The following NCMAP variants were observed in gnomAD, a reference collection of about 807,000 sequenced individuals.
NCMAP encodes the protein non-compact myelin associated protein, also known as noncompact myelin-associated protein.
NCMAP carries 8 observed loss-of-function variants against 7.8 expected under a neutral mutation model. The ratio of observed to expected loss-of-function variants is 1.02; its 90% CI spans 0.60 to 1.84. The LOEUF (loss-of-function observed/expected upper bound fraction) is 1.84. Ranked by LOEUF, NCMAP falls within the 40% of genes most tolerant of loss-of-function variation. The probability of loss-of-function intolerance (pLI) is 0.00; values close to 1 mark genes in which losing one functional copy is unlikely to be tolerated. For missense variants in NCMAP, 112 were observed against 131.4 expected, an observed-to-expected ratio of 0.85 and a Z score of 0.72; for synonymous variants, 41 against 52.9, an observed-to-expected ratio of 0.78 and a Z score of 0.98.
At chr1:24,583,560 C>CA (rs1354258235) in intron 1 of NCMAP, among the ~76,000 whole-genome samples, 2 of 151,992 alleles carry the variant, frequency 1.3e-5, no homozygotes, top group African/African-American at 4.8e-5. Context: ...ACTAAAAATA[C>CA]AAAAAATTAG....
At chr1:24,593,839 C>T (rs1229467682) in intron 1 of NCMAP, among the ~76,000 whole-genome samples, 2 of 150,768 alleles carry the variant, frequency 1.3e-5, no homozygotes, top group African/African-American at 4.9e-5. Flanking sequence ...ATATTCTTGA[C>T]CCCTATAGTT....
At chr1:24,573,703 C>T (rs961611358) in intron 1 of NCMAP, among the ~76,000 whole-genome samples, 2 of 150,368 alleles carry the variant, frequency 1.3e-5, no homozygotes, top group African/African-American at 2.5e-5. Flanking sequence ...TTTGGAAGGC[C>T]GAAGCAGGAG....
At chr1:24,575,387 C>T (rs961985161) in intron 1 of NCMAP, among the ~76,000 whole-genome samples, 5 of 152,124 alleles carry the variant, frequency 3.3e-5, no homozygotes, top group Non-Finnish European at 5.9e-5. Context: ...CCGACTGAGT[C>T]TTCATTCGTT....
At chr1:24,578,556 C>CTTTCT (rs1484287703) in intron 1 of NCMAP, among the ~76,000 whole-genome samples, 35 of 126,892 alleles carry the variant, frequency 2.8e-4, no homozygotes, top group African/African-American at 1.1e-3. Context: ...CTTTTTCTTT[C>CTTTCT]TTTCTTTTTT....
chr1:24,589,837 T>C (rs572678660), intron 1 of NCMAP, among the ~76,000 whole-genome samples: 166 of 152,308 alleles, frequency 1.1e-3, no homozygotes, highest in African/African-American at 3.8e-3. Context: ...TTTATTTTTA[T>C]TTTGAGACAG....
At position 24,556,115 on chromosome 1, in the gene NCMAP, C is replaced by A; in HGVS notation, c.-62C>A. 1 of 153,126 alleles carries A rather than the reference C, an allele frequency of 6.5e-6. No individual in the cohort carries two copies. Among genetic ancestry groups the A allele is most frequent in the South Asian group, 1.9e-4 (1 of 5,396 alleles). 9.5% of individuals were successfully genotyped at this position (153,126 alleles called of 1,614,324 possible). The stretch of plus-strand genomic sequence containing the variant: ...GCAGCGCCGGGCGGCGGCGGGGACC[C>A]TGGCTGGGAGCGCGGCGGTGCCGGC... On this transcript the variant is annotated 5_prime_UTR_variant, in exon 1 of 4. In the 5' UTR this introduces an upstream ATG that the reference lacks. Coordinates refer to ENST00000374392, the MANE Select transcript of NCMAP (RefSeq NM_001010980.5).
At chr1:24,573,003 G>C (rs553366773) in intron 1 of NCMAP, among the ~76,000 whole-genome samples, 9 of 150,584 alleles carry the variant, frequency 6.0e-5, no homozygotes, top group Non-Finnish European at 1.3e-4. Flanking sequence ...CATGCCCAGT[G>C]GTGGGCATGG....
chr1:24,591,246 T>C lies in NCMAP; in HGVS notation c.-7-4178T>C, dbSNP rs1398630121. On this transcript the variant is annotated intron_variant, in intron 1 of 3. Coordinates refer to ENST00000374392, the MANE Select transcript of NCMAP (RefSeq NM_001010980.5). ...ATTTCAGTATGAGTAGGAGTCTTCC[T>C]TGGGGGGCGACTGGGGACTGGGCTG... Among the ~76,000 whole-genome samples, 4 of 152,190 alleles carry C rather than the reference T, an allele frequency of 2.6e-5. No homozygotes were observed. In the East Asian group the frequency reaches 7.8e-4, roughly 30 times the overall value.
At position 24,574,092 on chromosome 1, in the gene NCMAP, C is replaced by T. The variant is rs138966785; in HGVS notation, c.-8+17923C>T. ...GACTCCAGGACCCACACAGCGGCCC[C>T]CAGGTGCTTAAGCCTTCAGTCTGGG... is the stretch of plus-strand genomic sequence containing the variant. On this transcript the variant is annotated intron_variant, in intron 1 of 3. Coordinates refer to ENST00000374392, the MANE Select transcript of NCMAP (RefSeq NM_001010980.5). 7.8e-3 allele frequency among the ~76,000 whole-genome samples: 1,170 copies of T among 149,812 alleles called. 94 individuals are homozygous for T. The highest frequency in any genetic ancestry group is 0.026 in the African/African-American group (1,044 of 39,410).
intron 1 of NCMAP, among the ~76,000 whole-genome samples, chr1:24,571,468 C>A (rs1005896638): frequency 6.7e-6 from 1 of 149,828 alleles, no homozygotes; most frequent in Non-Finnish European, 1.5e-5. Flanking sequence ...GAGCAAGACT[C>A]TGTCTCAAAA....
chr1:24,569,257 G>A (rs190268112), intron 1 of NCMAP, among the ~76,000 whole-genome samples: 112 of 152,060 alleles, frequency 7.4e-4, no homozygotes, highest in African/African-American at 2.6e-3. Flanking sequence ...GCCTCCCAAA[G>A]TGCTGGGATT....
intron 1 of NCMAP, among the ~76,000 whole-genome samples, chr1:24,577,405 T>TTTG (rs1651608673): frequency 1.7e-5 from 2 of 114,304 alleles, no homozygotes; most frequent in African/African-American, 3.7e-5. Flanking sequence ...GGCCTTGTTT[T>TTTG]TTTTTTTTTT....
chr1:24,597,668 AAAG>A (rs1652301788), intron 2 of NCMAP, among the ~76,000 whole-genome samples: 4 of 134,354 alleles, frequency 3.0e-5, no homozygotes, highest in Non-Finnish European at 4.9e-5. Context: ...AGAAAGAAAG[AAAG>A]AAAAGAAAAA....
Position 24,605,935 on chromosome 1 carries a change from C to A in NCMAP, c.*188C>A. 1 of 617,174 alleles carries A rather than the reference C, an allele frequency of 1.6e-6. No homozygotes were observed. The highest frequency in any genetic ancestry group is 2.7e-6 in the Non-Finnish European group (1 of 370,280). The allele number at this position is 617,174 out of a possible 1,614,324, so 38.2% of individuals were successfully genotyped here. A position where few individuals can be genotyped will look rare whatever the true frequency, so the allele number is the denominator to read the frequency against. ...TGCCCTGCCCTACCCCAACTGTGTC[C>A]ACATCCCTGCCGCCACCCCACCAAA... is the stretch of plus-strand genomic sequence containing the variant. On this transcript the variant is annotated 3_prime_UTR_variant, in exon 4 of 4. Coordinates refer to ENST00000374392, the MANE Select transcript of NCMAP (RefSeq NM_001010980.5).
intron 1 of NCMAP, among the ~76,000 whole-genome samples, chr1:24,581,060 T>A (rs1651728581): frequency 6.6e-6 from 1 of 151,820 alleles, no homozygotes; most frequent in Non-Finnish European, 1.5e-5. Context: ...GGGTTCAGGA[T>A]GAAGCAGAGA....
chr1:24,595,530 T>G lies in NCMAP; in HGVS notation c.82+18T>G. 1 of 1,591,476 alleles carries G rather than the reference T, an allele frequency of 6.3e-7. No individual in the cohort carries two copies. On this transcript the variant is annotated intron_variant, in intron 2 of 3. Transcript: ENST00000374392. ...GTATAAGAGTAAGGTCAAATTCGCT[T>G]AGAGGCTGGGGGAAGGATGGCAGGA...
intron 1 of NCMAP, among the ~76,000 whole-genome samples, chr1:24,575,995 G>A (rs1158543936): frequency 6.6e-6 from 1 of 151,062 alleles, no homozygotes; most frequent in African/African-American, 2.4e-5. Context: ...ACAGTAACTT[G>A]GCTAGTTAGT....
In NCMAP at chr1:24,560,495, G is replaced by A. The variant is rs1473446297; in HGVS notation, c.-8+4326G>A. 2.0e-5 allele frequency among the ~76,000 whole-genome samples: 3 copies of A among 152,298 alleles called. No individual in the cohort carries two copies. In the East Asian group the frequency reaches 5.8e-4, roughly 29 times the overall value. On this transcript the variant is annotated intron_variant, in intron 1 of 3. Coordinates refer to ENST00000374392, the MANE Select transcript of NCMAP (RefSeq NM_001010980.5). ...TAATAAAAAACAAATGTGGGCCCGGGGTGTTGGCTCACGCCAAGGCAGGAG... is the reference window on the plus strand; with the variant it reads ...TAATAAAAAACAAATGTGGGCCCGGAGTGTTGGCTCACGCCAAGGCAGGAG...
intron 1 of NCMAP, among the ~76,000 whole-genome samples, chr1:24,590,932 C>T (rs1010213737): frequency 4.6e-5 from 7 of 152,204 alleles, no homozygotes; most frequent in African/African-American, 1.7e-4. Context: ...CCCCACTTCT[C>T]ACTCTCAGCT....
Sources: gnomAD v4.1 joint callset for allele counts (sites outside exome capture counted in the v4.1 genomes callset) on GRCh38, gnomAD v4.1.1 for gene constraint, MANE v1.5 for transcripts, NCBI Gene and HGNC (gene_info 2026-07-23, HGNC 2026-07-21) for gene names.